The following ZNF621 variants were observed in gnomAD, a reference collection of about 807,000 sequenced individuals.
ZNF621 encodes the protein zinc finger protein 621.
ZNF621 carries 6 observed loss-of-function variants against 12.7 expected under a neutral mutation model. The observed-to-expected ratio is 0.47, with a 90% CI of 0.26 to 0.93. The LOEUF is 0.93. Ranked by LOEUF, ZNF621 falls within the 40% of genes least tolerant of loss-of-function variation. ZNF621 has a pLI of 0.15. For missense variants in ZNF621, 474 were observed against 524.0 expected, an observed-to-expected ratio of 0.90 and a Z score of 0.93; for synonymous variants, 156 against 190.3, an observed-to-expected ratio of 0.82 and a Z score of 1.48.
Position 40,536,076 on chromosome 3 carries a change from A to G in ZNF621, c.*2986A>G, listed in dbSNP as rs1435630387. The G allele has an allele frequency of 6.6e-6, 1 of 152,124 alleles. No homozygotes were observed. Among genetic ancestry groups the G allele is most frequent in the Non-Finnish European group, 1.5e-5 (1 of 68,044 alleles). The allele number at this position is 152,124 out of a possible 1,614,324, so 9.4% of individuals were successfully genotyped here. On this transcript the variant is annotated 3_prime_UTR_variant, in exon 5 of 5. Coordinates refer to ENST00000339296, the MANE Select transcript of ZNF621 (RefSeq NM_198484.5). ...CCCAAACCCAAGTTGAAACAAAAAA[A>G]ACCCCCAGACTGTAATAGTATTATT...
At chr3:40,527,259 C>T (rs567919742) in intron 2 of ZNF621, among the ~76,000 whole-genome samples, 4 of 152,152 alleles carry the variant, frequency 2.6e-5, no homozygotes, top group South Asian at 4.2e-4. Flanking sequence ...TCAGGTGATC[C>T]GCCTGCCTCA....
chr3:40,525,997 C>T, intron 2 of ZNF621, 133 bp downstream of exon 2: 1 of 972,452 alleles, frequency 1.0e-6, no homozygotes, highest in Non-Finnish European at 1.6e-6. Context: ...GTATCTATCT[C>T]CAGGGCTATG....
upstream of ZNF621, among the ~76,000 whole-genome samples, chr3:40,523,780 AC>A (rs1312479886): frequency 7.8e-5 from 10 of 128,868 alleles, no homozygotes; most frequent in African/African-American, 2.8e-4. Flanking sequence ...AAACAAACAA[AC>A]AAAAAACAAG....
rs141121230 is a variant in ZNF621 at position 40,538,502 on chromosome 3, A to C, written c.*5412A>C. On this transcript the variant is annotated 3_prime_UTR_variant, in exon 5 of 5. Coordinates refer to ENST00000339296, the MANE Select transcript of ZNF621 (RefSeq NM_198484.5). ...GCTTCAGCCTGGGTAACAGAGTGAG[A>C]CTGTCTCAAAAAAAAAAAAAATTTA... 1,598 of 156,454 alleles carry C rather than the reference A, an allele frequency of 0.01. 14 individuals carry two copies. The highest frequency in any genetic ancestry group is 0.014 in the Non-Finnish European group (995 of 71,816). 9.7% of individuals were successfully genotyped at this position (156,454 alleles called of 1,614,324 possible).
In ZNF621 at chr3:40,532,875, C is replaced by G. The variant is rs774737780; in HGVS notation, c.1105C>G (p.Leu369Val). The G allele has an allele frequency of 6.2e-7, 1 of 1,608,608 alleles. No homozygotes were observed. The highest frequency in any genetic ancestry group is 1.1e-5 in the South Asian group (1 of 90,388). ...CTCCTCTCCAGCCATACCTCCTGTT[C>G]TTCTCCAGGGATCCTGTTCTGCTTC... ...QCSSPAIPPV[L>V]LQGSCSASAV... Residue 369 changes from leucine to valine, a missense_variant, in exon 5 of 5, where the codon CTT becomes GTT. Transcript: ENST00000339296.
rs371224932 is a variant in ZNF621, at chr3:40,525,884, G to C, written c.24+20G>C. The C allele has an allele frequency of 3.7e-6, 6 of 1,611,462 alleles. No homozygotes were observed. In the South Asian group the frequency reaches 6.6e-5, roughly 18 times the overall value. ...CCTCAGGTGAGCTGAGCTTCTTTCA[G>C]TTTTTTTGTTTGTTTGTTTATGTTT... On this transcript the variant is annotated intron_variant, in intron 2 of 4. Coordinates refer to ENST00000339296, the MANE Select transcript of ZNF621 (RefSeq NM_198484.5).
In ZNF621 at chr3:40,534,941, C is replaced by A. The variant is rs1698827703; in HGVS notation, c.*1851C>A. 6.6e-6 allele frequency: 1 copy of A among 152,220 alleles called. No homozygotes were observed. The highest frequency in any genetic ancestry group is 2.4e-5 in the African/African-American group (1 of 41,452). 9.4% of individuals were successfully genotyped at this position (152,220 alleles called of 1,614,324 possible). A position where few individuals can be genotyped will look rare whatever the true frequency, so the allele number is the denominator to read the frequency against. ...TTCATGACCAGTAACTTCATGGAGGCCCTTAACGTTTCCTGATGGTCATAC... is the reference window on the plus strand; with the variant it reads ...TTCATGACCAGTAACTTCATGGAGGACCTTAACGTTTCCTGATGGTCATAC... On this transcript the variant is annotated 3_prime_UTR_variant, in exon 5 of 5. Coordinates refer to ENST00000339296, the MANE Select transcript of ZNF621 (RefSeq NM_198484.5).
rs1698785131 is a variant in ZNF621, at chr3:40,533,372, C to T, written c.*282C>T. The T allele has an allele frequency of 2.6e-6, 1 of 377,618 alleles. No homozygotes were observed. The highest frequency in any genetic ancestry group is 5.5e-5 in the East Asian group (1 of 18,166). 23.4% of individuals were successfully genotyped at this position (377,618 alleles called of 1,614,324 possible). A position where few individuals can be genotyped will look rare whatever the true frequency, so the allele number is the denominator to read the frequency against. On this transcript the variant is annotated 3_prime_UTR_variant, in exon 5 of 5. Transcript: ENST00000339296. Reference sequence around the variant, plus strand: ...GCCAGGCTGGTCTCAAACACCTGACCTCAAGTGATCCGCCTGCCTTGGCCC... The same window carrying T: ...GCCAGGCTGGTCTCAAACACCTGACTTCAAGTGATCCGCCTGCCTTGGCCC...
rs909925312 is a variant in ZNF621, at chr3:40,534,947, A to G, written c.*1857A>G. 2.6e-5 allele frequency: 4 copies of G among 152,112 alleles called. No individual in the cohort carries two copies. The highest frequency in any genetic ancestry group is 9.7e-5 in the African/African-American group (4 of 41,414). The allele number at this position is 152,112 out of a possible 1,614,324, so 9.4% of individuals were successfully genotyped here. A position where few individuals can be genotyped will look rare whatever the true frequency, so the allele number is the denominator to read the frequency against. ...ACCAGTAACTTCATGGAGGCCCTTAACGTTTCCTGATGGTCATACTACAAT... is the reference window on the plus strand; with the variant it reads ...ACCAGTAACTTCATGGAGGCCCTTAGCGTTTCCTGATGGTCATACTACAAT... On this transcript the variant is annotated 3_prime_UTR_variant, in exon 5 of 5. Transcript: ENST00000339296.
At chr3:40,529,754 C>G (rs1356547807) in intron 3 of ZNF621, among the ~76,000 whole-genome samples, 1 of 152,192 alleles carries the variant, frequency 6.6e-6, no homozygotes, top group African/African-American at 2.4e-5. Flanking sequence ...TCCCAAGTAG[C>G]TGGGACTATA....
In ZNF621 at chr3:40,532,586, C is replaced by T. The variant is rs566518778; in HGVS notation, c.816C>T (p.Phe272=). The change falls in exon 5 of 5, where the codon TTC becomes TTT. Residue 272 remains phenylalanine (F), a synonymous_variant. Transcript: ENST00000339296. ...AATGTAAGGAATGTTGGAAAGCTTT[C>T]GGTTGTAGGTCACTTTTTATTGTCC... ...LYKCKECWKA[F]GCRSLFIVHQ... 14 of 1,614,058 alleles carry T rather than the reference C, an allele frequency of 8.7e-6. No individual in the cohort carries two copies. The highest frequency in any genetic ancestry group is 8.3e-5 in the Admixed American group (5 of 60,012).
In ZNF621 at chr3:40,530,259, G is replaced by C; in HGVS notation, c.202G>C (p.Glu68Gln). 6.2e-7 allele frequency: 1 copy of C among 1,613,932 alleles called. No homozygotes were observed. Among genetic ancestry groups the C allele is most frequent in the South Asian group, 1.1e-5 (1 of 91,044 alleles). ...TCTGATCTCCCACCTGGAGAGAGGG[G>C]AAGCACCATGGGGCCCAGATCCCTG... ...PALISHLERG[E>Q]APWGPDPWDT... The change falls in exon 4 of 5, where the codon GAA becomes CAA. Residue 68 changes from glutamate to glutamine, a missense_variant. Coordinates refer to ENST00000339296, the MANE Select transcript of ZNF621 (RefSeq NM_198484.5).
At chr3:40,523,775 A>G (rs2125669553), upstream of ZNF621, among the ~76,000 whole-genome samples, 1 of 139,462 alleles carries the variant, frequency 7.2e-6, no homozygotes, top group East Asian at 2.1e-4. Context: ...CAAAAAAACA[A>G]ACAAACAAAA....
rs971556611 is a variant in ZNF621, at chr3:40,538,857, C to T, written c.*5767C>T. On this transcript the variant is annotated 3_prime_UTR_variant, in exon 5 of 5. Transcript: ENST00000339296. ...TAACAGGAGTTCAGAAGACATTGAC[C>T]TCAACCCTGATGGATGATCTTGAGG... is the stretch of plus-strand genomic sequence containing the variant. 5 of 152,530 alleles carry T rather than the reference C, an allele frequency of 3.3e-5. No homozygotes were observed. The highest frequency in any genetic ancestry group is 1.2e-4 in the African/African-American group (5 of 41,408). 9.4% of individuals were successfully genotyped at this position (152,530 alleles called of 1,614,324 possible).
intron 2 of ZNF621, among the ~76,000 whole-genome samples, 168 bp downstream of exon 2, chr3:40,526,032 A>G (rs1241639118): frequency 6.6e-6 from 1 of 152,178 alleles, no homozygotes; most frequent in Non-Finnish European, 1.5e-5. Context: ...GTGCTGGGGA[A>G]ATGAAAGTTT....
chr3:40,525,059 C>G lies in ZNF621; in HGVS notation c.-278C>G, dbSNP rs1198859905. The G allele has an allele frequency of 6.6e-6, 1 of 152,426 alleles. No homozygotes were observed. The highest frequency in any genetic ancestry group is 2.4e-5 in the African/African-American group (1 of 41,470). 9.4% of individuals were successfully genotyped at this position (152,426 alleles called of 1,614,324 possible). A position where few individuals can be genotyped will look rare whatever the true frequency, so the allele number is the denominator to read the frequency against. On this transcript the variant is annotated 5_prime_UTR_variant, in exon 1 of 5. Coordinates refer to ENST00000339296, the MANE Select transcript of ZNF621 (RefSeq NM_198484.5). ...GCCAGGTCCGCCCGGTGCCGGCTTC[C>G]TCGCTGCCCCTGGCGGCTCGTCAGC...
At chr3:40,531,182 G>A (rs1275370844) in intron 4 of ZNF621, among the ~76,000 whole-genome samples, 1 of 152,144 alleles carries the variant, frequency 6.6e-6, no homozygotes, top group Non-Finnish European at 1.5e-5. Flanking sequence ...GGATAATTAG[G>A]ACATTGTTTA....
intron 2 of ZNF621, among the ~76,000 whole-genome samples, chr3:40,526,418 C>T (rs781602427): frequency 1.3e-4 from 20 of 152,198 alleles, no homozygotes; most frequent in Non-Finnish European, 2.2e-4. Flanking sequence ...GTGATCCACC[C>T]GCTTCGGCTT....
Position 40,530,322 on chromosome 3 carries a change from T to A in ZNF621, c.259+6T>A, listed in dbSNP as rs1202927076. 11 of 1,610,392 alleles carry A rather than the reference T, an allele frequency of 6.8e-6. No individual in the cohort carries two copies. The Admixed American group carries it at 1.8e-4, about 27-fold the overall frequency. ...TCTGAGAGGCATCAGTCAAGGTGAG[T>A]ATGAGAATCCAGTGGTGAAGTTTCT... is the stretch of plus-strand genomic sequence containing the variant. On this transcript the variant is annotated splice_donor_region_variant and intron_variant, in intron 4 of 4. Transcript: ENST00000339296.
Sources: gnomAD v4.1 joint callset for allele counts (sites outside exome capture counted in the v4.1 genomes callset) on GRCh38, gnomAD v4.1.1 for gene constraint, MANE v1.5 for transcripts, NCBI Gene and HGNC (gene_info 2026-07-23, HGNC 2026-07-21) for gene names.